Variants in ITGA4 observed in about 807,000 individuals in gnomAD.
The protein encoded by ITGA4 is integrin subunit alpha 4, also known as integrin alpha-4.
Under a neutral mutation model 133.6 loss-of-function variants are expected in ITGA4, and 63 were observed. That is an observed-to-expected ratio of 0.47 (90% CI 0.38 to 0.58). The LOEUF (loss-of-function observed/expected upper bound fraction) is 0.58. ITGA4 is among the 20% of genes least tolerant of loss of function. The probability of loss-of-function intolerance (pLI) is 0.00; values close to 1 mark genes in which losing one functional copy is unlikely to be tolerated. For synonymous variants in ITGA4, 483 were observed against 438.0 expected, an observed-to-expected ratio of 1.10 and a Z score of -1.28; for missense variants, 1,076 against 1,252.7, an observed-to-expected ratio of 0.86 and a Z score of 2.13.
At chr2:181,493,143 A>T in intron 10 of ITGA4, 182 bp from the exon 11 acceptor site, 1 of 497,114 alleles carries the variant, frequency 2.0e-6, no homozygotes, top group Non-Finnish European at 3.5e-6. Context: ...TGTGCAAACT[A>T]TTGTGTGCAA....
At chr2:181,465,092 C>G (rs767538514) in intron 2 of ITGA4, among the ~76,000 whole-genome samples, 2 of 152,006 alleles carry the variant, frequency 1.3e-5, no homozygotes, top group African/African-American at 2.4e-5. Context: ...GACATTATGC[C>G]CTGTGTAGAA....
chr2:181,487,500 C>A (rs1453519732), intron 10 of ITGA4, among the ~76,000 whole-genome samples: 4 of 152,156 alleles, frequency 2.6e-5, no homozygotes, highest in Admixed American at 2.0e-4. Context: ...TCCTATGCAG[C>A]CATCCAGTGT....
At chr2:181,472,882 T>G (rs1685588228) in intron 2 of ITGA4, among the ~76,000 whole-genome samples, 1 of 152,144 alleles carries the variant, frequency 6.6e-6, no homozygotes, top group Admixed American at 6.5e-5. Flanking sequence ...ACCTTATGTG[T>G]CCACCTGGAC....
At chr2:181,534,249 G>A (rs1268407292) in intron 25 of ITGA4, 23 bp from the exon 26 acceptor site, 4 of 1,398,268 alleles carry the variant, frequency 2.9e-6, no homozygotes, top group Non-Finnish European at 4.1e-6. Flanking sequence ...CCAGGCTATG[G>A]TGATCCTTCT....
At position 181,537,633 on chromosome 2, in the gene ITGA4, A is replaced by AATCCTGAAAAATGAAAG. The variant is rs1367117018; in HGVS notation, c.*2108_*2124dup. ...AAATTTAACATAATTGATGAGCTCAAATCCTGAAAAATGAAAGAATCCAAA... is the reference window on the plus strand; with the variant it reads ...AAATTTAACATAATTGATGAGCTCAAATCCTGAAAAATGAAAGATCCTGAAAAATGAAAGAATCCAAA... On this transcript the variant is annotated 3_prime_UTR_variant, in exon 28 of 28. Coordinates refer to ENST00000397033, the MANE Select transcript of ITGA4 (RefSeq NM_000885.6). 1 of 435,696 alleles carries AATCCTGAAAAATGAAAG rather than the reference A, an allele frequency of 2.3e-6. No homozygotes were observed. The highest frequency in any genetic ancestry group is 4.5e-6 in the Non-Finnish European group (1 of 220,902). 27.0% of individuals were successfully genotyped at this position (435,696 alleles called of 1,614,324 possible).
intron 4 of ITGA4, among the ~76,000 whole-genome samples, chr2:181,475,584 C>A (rs1685657054): frequency 6.6e-6 from 1 of 152,078 alleles, no homozygotes; most frequent in African/African-American, 2.4e-5. Context: ...TAGTACCCAG[C>A]AAATATAGGA....
At chr2:181,520,758 A>C (rs1559054778) in intron 17 of ITGA4, among the ~76,000 whole-genome samples, 1 of 152,060 alleles carries the variant, frequency 6.6e-6, no homozygotes, top group Non-Finnish European at 1.5e-5. Flanking sequence ...ATTTATTTAC[A>C]CATCTGTCCT....
In ITGA4 at chr2:181,488,708, G is replaced by GC. The variant is rs1335708271; in HGVS notation, c.1153+2718dup. On this transcript the variant is annotated intron_variant, in intron 10 of 27. Transcript: ENST00000397033. ...CGAGTAGCTGGGACTACAGGCACCC[G>GC]CCACCACCCCAGCTAATTTTTTTGT... Among the ~76,000 whole-genome samples, 2 of 151,670 alleles carry GC rather than the reference G, an allele frequency of 1.3e-5. 1 individual carries two copies. The highest frequency in any genetic ancestry group is 6.3e-3 in the Middle Eastern group (2 of 316).
Position 181,536,454 on chromosome 2 carries a change from C to T in ITGA4, c.*927C>T, listed in dbSNP as rs1687091772. On this transcript the variant is annotated 3_prime_UTR_variant, in exon 28 of 28. Coordinates refer to ENST00000397033, the MANE Select transcript of ITGA4 (RefSeq NM_000885.6). ...CTTTAAAATCAAAGCTGTGCAAAGA[C>T]TAGGGGGCCTATACTTCATATGTAT... Among the ~76,000 whole-genome samples, 1 of 152,008 alleles carries T rather than the reference C, an allele frequency of 6.6e-6. No homozygotes were observed. The highest frequency in any genetic ancestry group is 6.6e-5 in the Admixed American group (1 of 15,228).
In ITGA4 at chr2:181,522,208, C is replaced by T. The variant is rs1327395077; in HGVS notation, c.1940C>T (p.Thr647Ile). 6.5e-7 allele frequency: 1 copy of T among 1,545,380 alleles called. No homozygotes were observed. The highest frequency in any genetic ancestry group is 8.8e-7 in the Non-Finnish European group (1 of 1,139,326). ...IGFLKPHENKTYLAVGSMKTL... is the reference protein window; with the variant it reads ...IGFLKPHENKIYLAVGSMKTL... Reference sequence around the variant, plus strand: ...ATTTTTAGGCCCCATGAAAATAAAACATATCTTGCTGTTGGGAGTATGAAG... The same window carrying T: ...ATTTTTAGGCCCCATGAAAATAAAATATATCTTGCTGTTGGGAGTATGAAG... The change falls in exon 18 of 28, where the codon ACA becomes ATA. Residue 647 changes from threonine to isoleucine, a missense_variant. Physicochemically the swap from Thr to Ile is moderately conservative, Grantham distance 89 (BLOSUM62 -1). Coordinates refer to ENST00000397033, the MANE Select transcript of ITGA4 (RefSeq NM_000885.6).
chr2:181,526,813 C>A (rs1686837973), intron 21 of ITGA4, among the ~76,000 whole-genome samples: 1 of 67,824 alleles, frequency 1.5e-5, no homozygotes, highest in Admixed American at 1.8e-4. Context: ...CAGGTCAGAG[C>A]ACATGGCCTT....
intron 18 of ITGA4, among the ~76,000 whole-genome samples, chr2:181,522,801 T>C (rs929416370): frequency 2.6e-5 from 4 of 152,222 alleles, no homozygotes; most frequent in Admixed American, 6.5e-5. Flanking sequence ...ATAGTGACCT[T>C]TGACCTCTCA....
intron 2 of ITGA4, among the ~76,000 whole-genome samples, chr2:181,472,825 CG>C (rs1242274226): frequency 1.3e-5 from 2 of 152,058 alleles, no homozygotes; most frequent in Admixed American, 1.3e-4. Context: ...CTTCTCTTTT[CG>C]TGTCATTTCT....
At chr2:181,481,007 C>T (rs1244538442) in intron 6 of ITGA4, among the ~76,000 whole-genome samples, 1 of 152,046 alleles carries the variant, frequency 6.6e-6, no homozygotes, top group African/African-American at 2.4e-5. Context: ...GAGCATCTTA[C>T]ACTCAGAAAT....
At position 181,509,682 on chromosome 2, in the gene ITGA4, C is replaced by G; in HGVS notation, c.1720C>G (p.Pro574Ala). Residue 574 changes from proline to alanine, a missense_variant, in exon 16 of 28, where the codon CCA (proline) becomes GCA (alanine). Physicochemically the swap from Pro to Ala is conservative, Grantham distance 27. Around this residue, in one of 4 missense-constraint regions of ITGA4, gnomAD observed 365 missense variants for 421.4 expected, o/e 0.87. Transcript: ENST00000397033. The part of the protein sequence containing the change: ...MRKDVRDILT[P>A]IQIEAAYHLG... ...GAAAGATGTGCGGGACATCCTCACC[C>G]CAATTCAGATTGAAGCTGCTTACCA... The G allele has an allele frequency of 6.2e-7, 1 of 1,606,936 alleles. No homozygotes were observed. Among genetic ancestry groups the G allele is most frequent in the Non-Finnish European group, 8.5e-7 (1 of 1,176,990 alleles).
intron 10 of ITGA4, among the ~76,000 whole-genome samples, chr2:181,489,925 A>G (rs780774627): frequency 6.6e-5 from 10 of 151,810 alleles, no homozygotes; most frequent in Non-Finnish European, 1.2e-4. Flanking sequence ...CATCGGCAAG[A>G]CTCCTGTCTC....
At position 181,488,329 on chromosome 2, in the gene ITGA4, C is replaced by A. The variant is rs545721937; in HGVS notation, c.1153+2337C>A. On this transcript the variant is annotated intron_variant, in intron 10 of 27. Coordinates refer to ENST00000397033, the MANE Select transcript of ITGA4 (RefSeq NM_000885.6). Reference sequence around the variant, plus strand: ...AATTTGTATATGAGACCCTGGGCTTCACACAGCTCTTGTTTCACTGAAATC... The same window carrying A: ...AATTTGTATATGAGACCCTGGGCTTAACACAGCTCTTGTTTCACTGAAATC... Among the ~76,000 whole-genome samples, 14 of 152,306 alleles carry A rather than the reference C, an allele frequency of 9.2e-5. No homozygotes were observed. In the East Asian group the frequency reaches 2.3e-3, roughly 25 times the overall value.
chr2:181,493,085 T>C, intron 10 of ITGA4: 1 of 376,674 alleles, frequency 2.7e-6, no homozygotes, highest in Non-Finnish European at 4.8e-6. Flanking sequence ...CGCGCTCTAA[T>C]CATTTTGTTA....
intron 9 of ITGA4, among the ~76,000 whole-genome samples, chr2:181,484,316 C>G (rs1003587560): frequency 2.6e-5 from 4 of 152,170 alleles, no homozygotes; most frequent in African/African-American, 9.6e-5. Flanking sequence ...AAATAGCTCT[C>G]AGGGGTTCCT....
Sources: allele counts gnomAD v4.1 joint callset (sites outside exome capture counted in the v4.1 genomes callset), GRCh38; gene constraint gnomAD v4.1.1; regional missense constraint gnomAD v4.1.1; transcripts MANE v1.5; gene names NCBI Gene and HGNC (gene_info 2026-07-23, HGNC 2026-07-21).